Variants in EXOC4 observed in about 807,000 individuals in gnomAD.
The protein encoded by EXOC4 is SEC8-like 1.
A neutral mutation model predicts 107.2 loss-of-function variants in EXOC4; 71 were observed. The observed-to-expected ratio is 0.66, with a 90% confidence interval of 0.55 to 0.81. The LOEUF (loss-of-function observed/expected upper bound fraction) is 0.81, where lower values mean the gene tolerates loss of function less well. EXOC4 is among the 30% of genes least tolerant of loss of function. EXOC4 has a pLI of 0.00. For synonymous variants in EXOC4, 456 were observed against 441.2 expected (o/e 1.03, Z -0.42); for missense variants, 1,108 against 1,189.6 (o/e 0.93, Z 1.01).
chr7:133,612,217 A>T (rs1802088317), intron 9 of EXOC4, among the ~76,000 whole-genome samples: 1 of 152,196 alleles, frequency 6.6e-6, no homozygotes, highest in Non-Finnish European at 1.5e-5. Context: ...GTTTCCTTTT[A>T]GTGGGCATTT....
intron 9 of EXOC4, among the ~76,000 whole-genome samples, chr7:133,563,285 A>G (rs1384287440): frequency 6.6e-6 from 1 of 152,178 alleles, no homozygotes; most frequent in Non-Finnish European, 1.5e-5. Flanking sequence ...ATTTTAAAGA[A>G]TGTCTCAAGA....
At chr7:133,697,444 C>G (rs1794560757) in intron 10 of EXOC4, among the ~76,000 whole-genome samples, 1 of 152,070 alleles carries the variant, frequency 6.6e-6, no homozygotes, top group Admixed American at 6.5e-5. Context: ...TTAAAACTTA[C>G]AGAAAGCCAC....
chr7:133,587,014 A>G (rs4731967), intron 9 of EXOC4, among the ~76,000 whole-genome samples: 35,470 of 151,660 alleles, frequency 0.23, 4,889 homozygotes, highest in African/African-American at 0.37. Flanking sequence ...TTGTATTTTT[A>G]GTAGAGACAG....
intron 10 of EXOC4, among the ~76,000 whole-genome samples, chr7:133,674,264 T>C (rs994353137): frequency 1.3e-5 from 2 of 152,136 alleles, no homozygotes; most frequent in Admixed American, 6.5e-5. Flanking sequence ...TTATATATAG[T>C]ACAAAAGACA....
intron 14 of EXOC4, among the ~76,000 whole-genome samples, chr7:133,941,785 C>A (rs951483881): frequency 1.3e-5 from 2 of 150,768 alleles, no homozygotes; most frequent in Admixed American, 1.3e-4. Flanking sequence ...TCCAGAGGTT[C>A]CCAAAATATC....
the EXOC4 span, among the ~76,000 whole-genome samples, chr7:134,077,787 A>T: frequency 2.2e-4 from 34 of 152,348 alleles, no homozygotes; most frequent in African/African-American, 7.5e-4. Context: ...TTATCCTGTA[A>T]CCTTCACTAT....
chr7:133,402,144 A>G (rs2150732787), intron 7 of EXOC4, among the ~76,000 whole-genome samples: 1 of 152,346 alleles, frequency 6.6e-6, no homozygotes, highest in Non-Finnish European at 1.5e-5. Flanking sequence ...TCTTGCGGAA[A>G]GTATTTAAAA....
chr7:133,561,182 A>T (rs1312735952), intron 9 of EXOC4, among the ~76,000 whole-genome samples: 1 of 152,172 alleles, frequency 6.6e-6, no homozygotes, highest in African/African-American at 2.4e-5. Context: ...ACTCTTCTCC[A>T]TGCAGGTAAG....
At chr7:133,355,299 CTT>C (rs113264507) in intron 5 of EXOC4, among the ~76,000 whole-genome samples, 8 of 151,518 alleles carry the variant, frequency 5.3e-5, no homozygotes, top group African/African-American at 1.7e-4. Flanking sequence ...ATGGGGAAAA[CTT>C]TTGACTATTA....
downstream of EXOC4, among the ~76,000 whole-genome samples, chr7:134,070,995 T>C (rs750314477): frequency 6.6e-6 from 1 of 152,228 alleles, no homozygotes; most frequent in African/African-American, 2.4e-5. Flanking sequence ...ATTTATTTAC[T>C]GTGTGAGAGA....
intron 10 of EXOC4, among the ~76,000 whole-genome samples, chr7:133,696,863 G>A (rs536349767): frequency 7.9e-4 from 120 of 152,222 alleles, no homozygotes; most frequent in African/African-American, 2.8e-3. Context: ...CTTGTCCCTG[G>A]AACATTATTA....
At chr7:133,557,117 A>T (rs1563106980) in intron 9 of EXOC4, among the ~76,000 whole-genome samples, 1 of 152,172 alleles carries the variant, frequency 6.6e-6, no homozygotes, top group African/African-American at 2.4e-5. Context: ...CTTAACTGGA[A>T]TGTTGGACCA....
the EXOC4 span, among the ~76,000 whole-genome samples, chr7:134,097,175 T>C: frequency 6.6e-6 from 1 of 152,040 alleles, no homozygotes; most frequent in Non-Finnish European, 1.5e-5. Flanking sequence ...CAACTCCCAA[T>C]GATTGGAGAT....
intron 9 of EXOC4, among the ~76,000 whole-genome samples, chr7:133,604,909 G>T (rs1310513033): frequency 6.6e-6 from 1 of 151,166 alleles, no homozygotes; most frequent in African/African-American, 2.4e-5. Flanking sequence ...ATTTTTCGTG[G>T]AGATGAGATT....
intron 11 of EXOC4, among the ~76,000 whole-genome samples, chr7:133,822,751 C>T (rs1797553150): frequency 1.3e-5 from 2 of 152,122 alleles, no homozygotes; most frequent in African/African-American, 4.8e-5. Flanking sequence ...TCACACCAGC[C>T]CTCTAAGTGA....
At chr7:133,790,071 G>A (rs540357342) in intron 10 of EXOC4, among the ~76,000 whole-genome samples, 6 of 152,256 alleles carry the variant, frequency 3.9e-5, no homozygotes, top group East Asian at 1.9e-4. Flanking sequence ...TTCCAGCCTC[G>A]TAAATAATGA....
chr7:134,013,413 A>G (rs985406455), intron 17 of EXOC4, among the ~76,000 whole-genome samples: 2 of 152,230 alleles, frequency 1.3e-5, no homozygotes, highest in African/African-American at 2.4e-5. Flanking sequence ...CTGAAAAACT[A>G]TCACAGCCAA....
chr7:133,497,854 G>T (rs1238243242), intron 9 of EXOC4, among the ~76,000 whole-genome samples: 1 of 152,118 alleles, frequency 6.6e-6, no homozygotes, highest in African/African-American at 2.4e-5. Context: ...TGCCCCTCCA[G>T]TTCTCTATGG....
At chr7:133,289,320 T>G (rs535711748) in intron 3 of EXOC4, among the ~76,000 whole-genome samples, 2 of 152,338 alleles carry the variant, frequency 1.3e-5, no homozygotes, top group East Asian at 3.9e-4. Flanking sequence ...TATCTGTCTT[T>G]GTAACAATGG....
Sources: gnomAD v4.1 joint callset for allele counts (sites outside exome capture counted in the v4.1 genomes callset) on GRCh38, gnomAD v4.1.1 for gene constraint, MANE v1.5 for transcripts, NCBI Gene and HGNC (gene_info 2026-07-23, HGNC 2026-07-21) for gene names.